Variants in MBD5 observed in about 807,000 individuals in gnomAD.
The protein encoded by MBD5 is methyl-CpG binding domain protein 5.
MBD5 carries 13 observed loss-of-function variants against 117.3 expected under a neutral mutation model. The ratio of observed to expected loss-of-function variants is 0.11; its 90% confidence interval spans 0.07 to 0.18. MBD5 has a LOEUF of 0.18. Among genes scored for constraint, MBD5 ranks in the 10% least tolerant of loss-of-function variants. The pLI, the probability that MBD5 is intolerant of heterozygous loss-of-function variation, is 1.00. For synonymous variants in MBD5, 727 were observed against 766.4 expected, an observed-to-expected ratio of 0.95 and a Z score of 0.85; for missense variants, 1,879 against 2,093.8, an observed-to-expected ratio of 0.90 and a Z score of 2.00.
chr2:148,254,902 G>T (rs755818217), intron 3 of MBD5, among the ~76,000 whole-genome samples: 1 of 152,186 alleles, frequency 6.6e-6, no homozygotes, highest in East Asian at 1.9e-4. Flanking sequence ...GGGGGCAGGC[G>T]TGCTGTGGGT....
At chr2:148,134,213 C>CAGATAGAT (rs1308418845) in intron 1 of MBD5, among the ~76,000 whole-genome samples, 2,559 of 130,274 alleles carry the variant, frequency 0.02, 88 homozygotes, top group African/African-American at 0.068. Flanking sequence ...AGATAGATGA[C>CAGATAGAT]AGATAGATAG....
At chr2:148,389,590 G>A (rs1382684892) in intron 4 of MBD5, among the ~76,000 whole-genome samples, 3 of 151,650 alleles carry the variant, frequency 2.0e-5, no homozygotes, top group Non-Finnish European at 4.4e-5. Flanking sequence ...CCTCACCAAC[G>A]TCTGTTATTT....
chr2:148,243,507 T>A (rs1338679458), intron 3 of MBD5, among the ~76,000 whole-genome samples: 1 of 152,112 alleles, frequency 6.6e-6, no homozygotes, highest in Non-Finnish European at 1.5e-5. Context: ...TTTTATATTT[T>A]CCATTAAAAT....
intron 1 of MBD5, among the ~76,000 whole-genome samples, chr2:148,139,499 A>T (rs1291385939): frequency 6.6e-6 from 1 of 152,198 alleles, no homozygotes; most frequent in Admixed American, 6.5e-5. Flanking sequence ...GGCGTGAGCC[A>T]CTGTGCCCGG....
chr2:148,151,368 A>C (rs1697658773), intron 1 of MBD5, among the ~76,000 whole-genome samples: 2 of 151,936 alleles, frequency 1.3e-5, no homozygotes, highest in Admixed American at 1.3e-4. Context: ...GGATTTTTGC[A>C]TCAATGTTCA....
chr2:148,128,474 A>C (rs1696956363), intron 1 of MBD5, among the ~76,000 whole-genome samples: 1 of 152,186 alleles, frequency 6.6e-6, no homozygotes, highest in Admixed American at 6.5e-5. Flanking sequence ...TGGAGCAAAA[A>C]CTAAGTCTTA....
Position 148,327,152 on chromosome 2 carries a change from T to C in MBD5, c.-679-15062T>C, listed in dbSNP as rs1040145346. Among the ~76,000 whole-genome samples the C allele has an allele frequency of 2.6e-5, 4 of 152,126 alleles. 1 individual carries two copies. The highest frequency in any genetic ancestry group is 9.7e-5 in the African/African-American group (4 of 41,386). On this transcript the variant is annotated intron_variant, in intron 3 of 13. Transcript: ENST00000642680. ...TTGAAAATTCTTTTCTTTAAGAATG[T>C]TGAATATTGGCCTGAACTCTCTTCT... is the stretch of plus-strand genomic sequence containing the variant.
intron 1 of MBD5, among the ~76,000 whole-genome samples, chr2:148,082,555 A>T (rs1695670562): frequency 6.6e-6 from 1 of 152,220 alleles, no homozygotes; most frequent in Admixed American, 6.5e-5. Flanking sequence ...TCAGATATTT[A>T]CTGAGTCACT....
intron 3 of MBD5, among the ~76,000 whole-genome samples, chr2:148,284,784 T>G (rs2106398348): frequency 6.6e-6 from 1 of 152,350 alleles, no homozygotes; most frequent in South Asian, 2.1e-4. Context: ...TTTGATATAC[T>G]GTTCTATCAA....
At chr2:148,147,618 T>C (rs1697501854) in intron 1 of MBD5, among the ~76,000 whole-genome samples, 1 of 152,306 alleles carries the variant, frequency 6.6e-6, no homozygotes, top group African/African-American at 2.4e-5. Flanking sequence ...TTGTTGTTAT[T>C]TGGTTTTGTT....
chr2:148,169,122 G>A (rs16828367), intron 1 of MBD5, among the ~76,000 whole-genome samples: 1,867 of 152,042 alleles, frequency 0.012, 45 homozygotes, highest in African/African-American at 0.043. Flanking sequence ...AATTGTCATT[G>A]ATCATATCTT....
chr2:148,262,149 G>A, intron 3 of MBD5, among the ~76,000 whole-genome samples: 1 of 148,862 alleles, frequency 6.7e-6, no homozygotes, highest in Non-Finnish European at 1.5e-5. Context: ...GTGAGCACAT[G>A]CTGTGGGAAA....
intron 3 of MBD5, among the ~76,000 whole-genome samples, chr2:148,247,080 T>G (rs1700354569): frequency 6.6e-6 from 1 of 152,192 alleles, no homozygotes; most frequent in Non-Finnish European, 1.5e-5. Context: ...TTTTAAATTG[T>G]CTAGAGTTTT....
intron 3 of MBD5, chr2:148,265,059 A>ACACG (rs1314814636): frequency 2.1e-5 from 2 of 93,310 alleles, no homozygotes; most frequent in East Asian, 4.1e-4. Flanking sequence ...GTGCATGTAG[A>ACACG]CACACGCACA....
At chr2:148,186,634 G>A (rs908798628) in intron 2 of MBD5, among the ~76,000 whole-genome samples, 1 of 152,192 alleles carries the variant, frequency 6.6e-6, no homozygotes, top group African/African-American at 2.4e-5. Context: ...AGGACATTTT[G>A]CCGTTGTGAT....
intron 2 of MBD5, among the ~76,000 whole-genome samples, chr2:148,186,324 G>GC (rs1282908502): frequency 6.6e-6 from 1 of 152,176 alleles, no homozygotes; most frequent in Non-Finnish European, 1.5e-5. Context: ...GGCCTCCCCA[G>GC]CCATGTAGCA....
intron 3 of MBD5, among the ~76,000 whole-genome samples, chr2:148,308,457 CAT>C (rs1279656007): frequency 7.7e-6 from 1 of 129,130 alleles, no homozygotes; most frequent in Non-Finnish European, 1.7e-5. Flanking sequence ...AGTGTCTGTT[CAT>C]ATACTTCTCC....
rs533842497 is a variant in MBD5, at chr2:148,428,059, G to A, written c.-556-30144G>A. ...AGGAAGAGAGGAAGTCATATTGTCTGTGTTTGCAGATGACATGATTGTGTA... is the reference window on the plus strand; with the variant it reads ...AGGAAGAGAGGAAGTCATATTGTCTATGTTTGCAGATGACATGATTGTGTA... On this transcript the variant is annotated intron_variant, in intron 4 of 13. Coordinates refer to ENST00000642680, the MANE Select transcript of MBD5 (RefSeq NM_001378120.1). Among the ~76,000 whole-genome samples the A allele has an allele frequency of 2.0e-5, 3 of 152,250 alleles. No individual in the cohort carries two copies. The South Asian group carries it at 6.2e-4, about 32-fold the overall frequency.
chr2:148,447,021 T>C (rs76055652), intron 4 of MBD5, among the ~76,000 whole-genome samples: 1,624 of 147,608 alleles, frequency 0.011, 28 homozygotes, highest in African/African-American at 0.039. Context: ...CCTGAGACAA[T>C]GACAATGTGA....
Sources: allele counts gnomAD v4.1 joint callset (sites outside exome capture counted in the v4.1 genomes callset), GRCh38; gene constraint gnomAD v4.1.1; transcripts MANE v1.5; gene names NCBI Gene and HGNC (gene_info 2026-07-23, HGNC 2026-07-21).